Variants in NAT1 observed in about 807,000 individuals in gnomAD.
NAT1 encodes the protein N-acetyltransferase 1.
For synonymous variants in NAT1, 144 were observed against 122.6 expected, an observed-to-expected ratio of 1.17 and a Z score of -1.16; for missense variants, 400 against 339.2, an observed-to-expected ratio of 1.18 and a Z score of -1.41.
At chr8:18,207,566 A>G (rs1474307198), upstream of NAT1, among the ~76,000 whole-genome samples, 1 of 152,200 alleles carries the variant, frequency 6.6e-6, no homozygotes, top group Non-Finnish European at 1.5e-5. Context: ...CCACAGTGAG[A>G]TACCATCTCT....
At chr8:18,205,817 T>C (rs1198823114), upstream of NAT1, among the ~76,000 whole-genome samples, 1 of 152,128 alleles carries the variant, frequency 6.6e-6, no homozygotes, top group Non-Finnish European at 1.5e-5. Context: ...GAAGCTATGA[T>C]GTAGCTCCCA....
intron 1 of NAT1, chr8:18,217,096 C>T (rs956465137): frequency 3.9e-6 from 3 of 764,800 alleles, no homozygotes; most frequent in Non-Finnish European, 6.3e-6. Flanking sequence ...TGAGAATTTC[C>T]TTTATTTGTT....
At chr8:18,171,779 G>A (rs1355575754) in intron 2 of NAT1, among the ~76,000 whole-genome samples, 1 of 152,188 alleles carries the variant, frequency 6.6e-6, no homozygotes, top group African/African-American at 2.4e-5. Context: ...GCAACAAGGA[G>A]TATTTCCTTT....
chr8:18,185,402 T>C (rs1036609802), intron 2 of NAT1, among the ~76,000 whole-genome samples: 1 of 152,174 alleles, frequency 6.6e-6, no homozygotes, highest in African/African-American at 2.4e-5. Flanking sequence ...CAGAAATGTG[T>C]TAAGTTTACC....
rs187694475 is a variant in NAT1 at position 18,223,423 on chromosome 8, C to G, written c.*503C>G. 1.8e-5 allele frequency: 3 copies of G among 167,120 alleles called. No individual in the cohort carries two copies. In the East Asian group the frequency reaches 5.8e-4, roughly 32 times the overall value. The allele number at this position is 167,120 out of a possible 1,614,324, so 10.4% of individuals were successfully genotyped here. On this transcript the variant is annotated 3_prime_UTR_variant, in exon 3 of 3. Coordinates refer to ENST00000307719, the MANE Select transcript of NAT1 (RefSeq NM_000662.8). ...TCTTGTCTCTTAAATTACTTTACTT[C>G]CTTGCACACTTTGCCATACAAGAAT...
intron 2 of NAT1, among the ~76,000 whole-genome samples, chr8:18,191,348 G>T (rs960976215): frequency 1.3e-5 from 2 of 152,058 alleles, no homozygotes; most frequent in African/African-American, 4.8e-5. Flanking sequence ...AACCTCTGAA[G>T]TTTTTTATAA....
intron 2 of NAT1, among the ~76,000 whole-genome samples, chr8:18,192,777 G>A (rs1589073645): frequency 1.3e-5 from 2 of 151,962 alleles, no homozygotes; most frequent in Middle Eastern, 3.4e-3. Flanking sequence ...ACCCATAGAT[G>A]GGAATTGAAC....
At chr8:18,183,919 C>G (rs963077116) in intron 2 of NAT1, among the ~76,000 whole-genome samples, 1 of 152,218 alleles carries the variant, frequency 6.6e-6, no homozygotes, top group African/African-American at 2.4e-5. Flanking sequence ...GACAACCCTG[C>G]CCCTATGACT....
intron 2 of NAT1, among the ~76,000 whole-genome samples, chr8:18,195,696 A>G (rs1803200537): frequency 6.6e-6 from 1 of 152,112 alleles, no homozygotes; most frequent in Non-Finnish European, 1.5e-5. Flanking sequence ...CCCACTACTA[A>G]GAGTTAGGGT....
At chr8:18,178,815 T>C (rs1802391660) in intron 2 of NAT1, among the ~76,000 whole-genome samples, 1 of 152,142 alleles carries the variant, frequency 6.6e-6, no homozygotes, top group Admixed American at 6.6e-5. Context: ...TTCTATGGGC[T>C]CCATTCAGTT....
At position 18,222,551 on chromosome 8, in the gene NAT1, G is replaced by T. The variant is rs139028182; in HGVS notation, c.504G>T (p.Gln168His). 6.3e-5 allele frequency: 102 copies of T among 1,613,978 alleles called. No homozygotes were observed. The Middle Eastern group carries it at 9.9e-4, about 16-fold the overall frequency. The change falls in exon 3 of 3, where the codon CAG (glutamine) becomes CAT (histidine). Residue 168 changes from glutamine to histidine, a missense_variant. Coordinates refer to ENST00000307719, the MANE Select transcript of NAT1 (RefSeq NM_000662.8). ...FWYLDQIRRE[Q>H]YIPNEEFLHS... ...ATCTAGACCAAATCAGAAGGGAACA[G>T]TACATTCCAAATGAAGAATTTCTTC...
intron 2 of NAT1, chr8:18,201,054 T>C (rs1803440902): frequency 2.0e-5 from 3 of 152,194 alleles, no homozygotes; most frequent in Non-Finnish European, 4.4e-5. Context: ...AAATGAAATG[T>C]AAATTCAAGG....
intron 1 of NAT1, among the ~76,000 whole-genome samples, chr8:18,213,191 C>T (rs1009586462): frequency 1.3e-5 from 2 of 151,872 alleles, no homozygotes; most frequent in East Asian, 1.9e-4. Flanking sequence ...GGATGACAGG[C>T]GTGAGCCATT....
chr8:18,187,717 G>A (rs902643031), intron 2 of NAT1, among the ~76,000 whole-genome samples: 18 of 151,708 alleles, frequency 1.2e-4, no homozygotes, highest in Non-Finnish European at 2.7e-4. Flanking sequence ...TGGAGGGTGG[G>A]AGAAAAAAAC....
At chr8:18,214,029 G>A (rs1804381503) in intron 1 of NAT1, among the ~76,000 whole-genome samples, 1 of 152,046 alleles carries the variant, frequency 6.6e-6, no homozygotes, top group Non-Finnish European at 1.5e-5. Context: ...TAGCCAGGAT[G>A]GTCTCGATCT....
At chr8:18,186,896 C>A (rs1314709146) in intron 2 of NAT1, among the ~76,000 whole-genome samples, 1 of 152,058 alleles carries the variant, frequency 6.6e-6, no homozygotes, top group African/African-American at 2.4e-5. Context: ...GCAAGGAGAG[C>A]AGAAGAAACT....
intron 2 of NAT1, among the ~76,000 whole-genome samples, chr8:18,189,009 A>AAAAAAAAAAG (rs1329509282): frequency 2.8e-3 from 415 of 149,148 alleles, no homozygotes; most frequent in Middle Eastern, 0.01. Context: ...AAAAAAAAAA[A>AAAAAAAAAAG]AAAGAAAGAA....
At chr8:18,213,708 T>G (rs1804337163) in intron 1 of NAT1, among the ~76,000 whole-genome samples, 1 of 152,202 alleles carries the variant, frequency 6.6e-6, no homozygotes, top group Admixed American at 6.5e-5. Flanking sequence ...TAAAAAATGT[T>G]ATACCTAAAA....
chr8:18,178,445 C>G (rs1277315328), intron 2 of NAT1, among the ~76,000 whole-genome samples: 1 of 152,060 alleles, frequency 6.6e-6, no homozygotes, highest in Non-Finnish European at 1.5e-5. Flanking sequence ...AACTTGATAA[C>G]AAAACAGACA....
Sources: gnomAD v4.1 joint callset for allele counts (sites outside exome capture counted in the v4.1 genomes callset) on GRCh38, gnomAD v4.1.1 for gene constraint, MANE v1.5 for transcripts, NCBI Gene and HGNC (gene_info 2026-07-23, HGNC 2026-07-21) for gene names.